The following WDR70 variants were observed in gnomAD, a reference collection of about 807,000 sequenced individuals.
WDR70 encodes the protein WD repeat domain 70.
WDR70 carries 53 observed loss-of-function variants against 88.6 expected under a neutral mutation model. The observed-to-expected ratio is 0.60, with a 90% CI of 0.48 to 0.75. WDR70 has a LOEUF of 0.75. Among genes scored for constraint, WDR70 ranks in the 30% least tolerant of loss-of-function variants. The pLI is 0.00. For missense variants in WDR70, 610 were observed against 823.2 expected (o/e 0.74, Z 3.17); for synonymous variants, 280 against 270.0 (o/e 1.04, Z -0.36).
intron 10 of WDR70, among the ~76,000 whole-genome samples, chr5:37,645,655 T>C (rs1745212050): frequency 6.6e-6 from 1 of 152,130 alleles, no homozygotes. Flanking sequence ...GGTGCTCCAA[T>C]GTTGGGTGCA....
chr5:37,712,320 T>C (rs1747538082), intron 13 of WDR70, among the ~76,000 whole-genome samples: 1 of 152,216 alleles, frequency 6.6e-6, no homozygotes, highest in African/African-American at 2.4e-5. Flanking sequence ...ATAAAAGAAG[T>C]ATACATTTAT....
At position 37,538,665 on chromosome 5, in the gene WDR70, A is replaced by T. The variant is rs1373481608; in HGVS notation, c.917+22075A>T. On this transcript the variant is annotated intron_variant, in intron 9 of 17. Transcript: ENST00000265107. ...TTAATTCCAGGAGTTTCAGTATAAA[A>T]CATAAACCTGAGATGAGGCCAATGT... 2.6e-5 allele frequency among the ~76,000 whole-genome samples: 4 copies of T among 152,210 alleles called. No homozygotes were observed. In the East Asian group the frequency reaches 7.7e-4, roughly 29 times the overall value.
chr5:37,384,205 G>A (rs770899807), intron 3 of WDR70, among the ~76,000 whole-genome samples: 54 of 145,318 alleles, frequency 3.7e-4, no homozygotes, highest in Non-Finnish European at 7.0e-4. Flanking sequence ...ATTTGAGACA[G>A]GGTCTCACTG....
At chr5:37,739,723 C>T (rs1465065803) in intron 17 of WDR70, among the ~76,000 whole-genome samples, 1 of 151,992 alleles carries the variant, frequency 6.6e-6, no homozygotes, top group African/African-American at 2.4e-5. Flanking sequence ...TATACACGTG[C>T]CATGGTGGTT....
chr5:37,671,640 T>C (rs889608320), intron 10 of WDR70, among the ~76,000 whole-genome samples: 6 of 152,188 alleles, frequency 3.9e-5, no homozygotes, highest in African/African-American at 1.4e-4. Context: ...TTCCACTGTT[T>C]CTATTTCTTA....
intron 10 of WDR70, among the ~76,000 whole-genome samples, chr5:37,651,166 T>C (rs1424544380): frequency 1.3e-5 from 2 of 151,984 alleles, no homozygotes; most frequent in Non-Finnish European, 2.9e-5. Flanking sequence ...CCTCTGTCCA[T>C]GTGTTCTCAT....
intron 8 of WDR70, among the ~76,000 whole-genome samples, chr5:37,512,826 C>A (rs1339868153): frequency 1.3e-5 from 2 of 152,154 alleles, no homozygotes; most frequent in East Asian, 3.9e-4. Context: ...CTCAAGCAAT[C>A]CGCCTGTCTT....
intron 8 of WDR70, among the ~76,000 whole-genome samples, chr5:37,495,398 G>A (rs556364888): frequency 6.6e-6 from 1 of 151,970 alleles, no homozygotes; most frequent in Non-Finnish European, 1.5e-5. Context: ...TTGTCATTGG[G>A]GTAGCCACAA....
At chr5:37,443,775 C>T (rs1361760035) in intron 7 of WDR70, among the ~76,000 whole-genome samples, 1 of 152,048 alleles carries the variant, frequency 6.6e-6, no homozygotes, top group Non-Finnish European at 1.5e-5. Flanking sequence ...TTGCTCTAGC[C>T]TGAGGGGTGG....
intron 5 of WDR70, among the ~76,000 whole-genome samples, chr5:37,415,987 T>TGGC (rs1749731417): frequency 1.4e-5 from 2 of 146,356 alleles, no homozygotes; most frequent in Non-Finnish European, 3.0e-5. Flanking sequence ...ACTTCCTGGA[T>TGGC]GGGATGGCGG....
At chr5:37,602,591 A>G (rs538794882) in intron 9 of WDR70, among the ~76,000 whole-genome samples, 1 of 151,738 alleles carries the variant, frequency 6.6e-6, no homozygotes, top group East Asian at 1.9e-4. Context: ...GTGCCACTAC[A>G]CTCCAGCTTG....
intron 5 of WDR70, among the ~76,000 whole-genome samples, chr5:37,409,874 A>T (rs1168728575): frequency 1.3e-5 from 2 of 152,282 alleles, no homozygotes; most frequent in African/African-American, 2.4e-5. Context: ...CACAACTATT[A>T]TAATTCATTC....
At chr5:37,604,864 A>G (rs187883768) in intron 9 of WDR70, among the ~76,000 whole-genome samples, 200 bp from the exon 10 acceptor site, 2 of 152,326 alleles carry the variant, frequency 1.3e-5, no homozygotes, top group East Asian at 1.9e-4. Flanking sequence ...CATGATTCAG[A>G]TGGTTTACTT....
chr5:37,655,517 A>T (rs1207103545), intron 10 of WDR70, among the ~76,000 whole-genome samples: 2 of 152,136 alleles, frequency 1.3e-5, no homozygotes, highest in Non-Finnish European at 2.9e-5. Context: ...CCTGGATAAC[A>T]TCCTGAAGAG....
chr5:37,751,111 T>C (rs1748794799), intron 17 of WDR70, among the ~76,000 whole-genome samples: 1 of 152,208 alleles, frequency 6.6e-6, no homozygotes, highest in Non-Finnish European at 1.5e-5. Context: ...TTCAAAGGAT[T>C]TTTTAACCTG....
In WDR70 at chr5:37,470,507, C is replaced by T. The variant is rs75222193; in HGVS notation, c.687-9327C>T. Among the ~76,000 whole-genome samples the T allele has an allele frequency of 5.6e-3, 849 of 152,272 alleles. 12 individuals are homozygous for T. Among genetic ancestry groups the T allele is most frequent in the African/African-American group, 0.019 (810 of 41,564 alleles). On this transcript the variant is annotated intron_variant, in intron 7 of 17. Coordinates refer to ENST00000265107, the MANE Select transcript of WDR70 (RefSeq NM_018034.4). ...TTGTTTACCAGATATTACCCACAAC[C>T]TTCTCATCCTGACTACTTGCACCAT... is the stretch of plus-strand genomic sequence containing the variant.
At chr5:37,569,083 C>G (rs1742827269) in intron 9 of WDR70, among the ~76,000 whole-genome samples, 1 of 152,162 alleles carries the variant, frequency 6.6e-6, no homozygotes, top group Non-Finnish European at 1.5e-5. Context: ...ATCTGTCAGG[C>G]TATTTCAGAA....
chr5:37,640,004 C>G (rs550791818), intron 10 of WDR70, among the ~76,000 whole-genome samples: 1 of 152,044 alleles, frequency 6.6e-6, no homozygotes, highest in Non-Finnish European at 1.5e-5. Flanking sequence ...AAGTAACTTG[C>G]CTATTTTACA....
intron 7 of WDR70, among the ~76,000 whole-genome samples, chr5:37,446,148 GACAC>G (rs1284007225): frequency 1.3e-5 from 2 of 152,196 alleles, no homozygotes; most frequent in African/African-American, 2.4e-5. Context: ...ACCAATAACA[GACAC>G]ACAGAGAACC....
Sources: gnomAD v4.1 joint callset for allele counts (sites outside exome capture counted in the v4.1 genomes callset) on GRCh38, gnomAD v4.1.1 for gene constraint, MANE v1.5 for transcripts, NCBI Gene and HGNC (gene_info 2026-07-23, HGNC 2026-07-21) for gene names.